The following FNDC3A variants were observed in gnomAD, a reference collection of about 807,000 sequenced individuals.
The protein encoded by FNDC3A is fibronectin type-III domain-containing protein 3A.
A neutral mutation model predicts 148.9 loss-of-function variants in FNDC3A; 32 were observed. That is an observed-to-expected ratio of 0.21 (90% CI 0.16 to 0.29). The LOEUF is 0.29. Ranked by LOEUF, FNDC3A falls within the 10% of genes least tolerant of loss-of-function variation. The pLI, the probability that FNDC3A is intolerant of heterozygous loss-of-function variation, is 1.00. For synonymous variants in FNDC3A, 472 were observed against 473.6 expected (o/e 1.00, Z 0.04); for missense variants, 1,191 against 1,452.8 (o/e 0.82, Z 2.93).
chr13:49,006,365 A>C, intron 2 of FNDC3A, 76 bp downstream of exon 2: 1 of 671,370 alleles, frequency 1.5e-6, no homozygotes. Context: ...AGATCACAAT[A>C]GTGAGTTCCT....
intron 2 of FNDC3A, among the ~76,000 whole-genome samples, chr13:49,048,302 T>G (rs535572006): frequency 2.6e-5 from 4 of 152,024 alleles, no homozygotes; most frequent in African/African-American, 7.2e-5. Flanking sequence ...ATTTTAGGAT[T>G]TTTTTTTAAG....
chr13:48,993,797 T>TA, intron 1 of FNDC3A, among the ~76,000 whole-genome samples: 1 of 152,294 alleles, frequency 6.6e-6, no homozygotes, highest in Admixed American at 6.5e-5. Flanking sequence ...TTCTGTGGGT[T>TA]AAAAAAATCC....
chr13:48,980,706 C>G (rs1486560738), intron 1 of FNDC3A, among the ~76,000 whole-genome samples: 1 of 152,094 alleles, frequency 6.6e-6, no homozygotes, highest in African/African-American at 2.4e-5. Context: ...CTTCAGTATA[C>G]TGTGGTTCAT....
intron 3 of FNDC3A, among the ~76,000 whole-genome samples, chr13:49,086,740 A>C (rs1350431602): frequency 6.6e-6 from 1 of 152,200 alleles, no homozygotes; most frequent in African/African-American, 2.4e-5. Context: ...TTTTTGAAGC[A>C]TAGGTAACTA....
Position 49,017,050 on chromosome 13 carries a change from G to T in FNDC3A, c.99+10761G>T, listed in dbSNP as rs1362951101. ...TGTGGTCAATTTTGGAATAGGTGTG[G>T]TGTGGTGCTGAAAAAAATGTATATT... On this transcript the variant is annotated intron_variant, in intron 2 of 25. Coordinates refer to ENST00000492622, the MANE Select transcript of FNDC3A (RefSeq NM_001079673.2). Among the ~76,000 whole-genome samples, 5 of 151,804 alleles carry T rather than the reference G, an allele frequency of 3.3e-5. No homozygotes were observed. In the South Asian group the frequency reaches 1.0e-3, roughly 32 times the overall value.
At chr13:48,975,852 C>A (rs1165110840), upstream of FNDC3A, 1 of 151,490 alleles carries the variant, frequency 6.6e-6, no homozygotes, top group Non-Finnish European at 1.5e-5. Context: ...GGGTCCCGGC[C>A]GCGGGCTCCG....
At chr13:49,194,256 C>CA (rs1174908375) in intron 19 of FNDC3A, among the ~76,000 whole-genome samples, 29 of 151,986 alleles carry the variant, frequency 1.9e-4, no homozygotes, top group African/African-American at 7.0e-4. Context: ...GGCTTTTTCT[C>CA]AAAAAAATAA....
At chr13:49,109,293 T>A (rs1880396405) in intron 3 of FNDC3A, among the ~76,000 whole-genome samples, 1 of 152,254 alleles carries the variant, frequency 6.6e-6, no homozygotes, top group Admixed American at 6.5e-5. Flanking sequence ...TTATTTAATT[T>A]CATTCTCACA....
At chr13:49,004,379 A>T (rs1171295321) in intron 1 of FNDC3A, among the ~76,000 whole-genome samples, 1 of 152,082 alleles carries the variant, frequency 6.6e-6, no homozygotes, top group Non-Finnish European at 1.5e-5. Flanking sequence ...AAACCAATTT[A>T]TAAATGAAAC....
At chr13:49,167,362 ATAAT>A in intron 9 of FNDC3A, 59 bp downstream of exon 9, 1 of 917,494 alleles carries the variant, frequency 1.1e-6, no homozygotes, top group South Asian at 1.9e-5. Context: ...TTTTTTTTAA[ATAAT>A]TATTTTCTTA....
intron 2 of FNDC3A, among the ~76,000 whole-genome samples, chr13:49,024,637 C>T (rs1873566653): frequency 6.6e-6 from 1 of 151,580 alleles, no homozygotes; most frequent in African/African-American, 2.4e-5. Flanking sequence ...ACCATAAAAC[C>T]TCTCACTAGA....
chr13:49,147,551 G>A (rs992131480), intron 8 of FNDC3A, among the ~76,000 whole-genome samples: 3 of 151,824 alleles, frequency 2.0e-5, no homozygotes, highest in Admixed American at 2.0e-4. Context: ...AAAAAAGTAG[G>A]GAATAGGCTG....
At position 49,175,416 on chromosome 13, in the gene FNDC3A, A is replaced by C; in HGVS notation, c.1405A>C (p.Met469Leu). ...LYYTSGCAPS[M>L]PASPVLTKAG... ...TTACACCTCAGGCTGTGCTCCTTCT[A>C]TGCCAGCAAGTCCTGTATTAACCAA... Residue 469 changes from methionine to leucine, a missense_variant, in exon 13 of 26, where the codon ATG (methionine) becomes CTG (leucine). Physicochemically the swap from Met to Leu is conservative, Grantham distance 15. Around this residue, in one of 3 missense-constraint regions of FNDC3A, gnomAD observed 751 missense variants for 944.0 expected, o/e 0.80. Transcript: ENST00000492622. The C allele has an allele frequency of 6.2e-7, 1 of 1,612,502 alleles. No homozygotes were observed. Among genetic ancestry groups the C allele is most frequent in the South Asian group, 1.1e-5 (1 of 90,842 alleles).
In FNDC3A at chr13:49,005,310, GTTTAT is replaced by G. The variant is rs1256780695; in HGVS notation, c.-39-833_-39-829del. Among the ~76,000 whole-genome samples the G allele has an allele frequency of 2.6e-5, 4 of 151,618 alleles. No individual in the cohort carries two copies. The East Asian group carries it at 7.7e-4, about 29-fold the overall frequency. Reference sequence around the variant, plus strand: ...CAGAATGCTGTAAACATTCCAAAATGTTTATTTTATTTTTCAATATAGATTCAGTG... The same window carrying G: ...CAGAATGCTGTAAACATTCCAAAATGTTTATTTTTCAATATAGATTCAGTG... On this transcript the variant is annotated intron_variant, in intron 1 of 25. Transcript: ENST00000492622.
chr13:49,100,061 C>T (rs918722464), intron 3 of FNDC3A, among the ~76,000 whole-genome samples: 3 of 151,966 alleles, frequency 2.0e-5, no homozygotes, highest in African/African-American at 4.8e-5. Flanking sequence ...GAATTAAAGA[C>T]AGGTATAGCT....
At chr13:49,150,063 T>C (rs1157643774) in intron 8 of FNDC3A, among the ~76,000 whole-genome samples, 2 of 152,192 alleles carry the variant, frequency 1.3e-5, no homozygotes, top group African/African-American at 4.8e-5. Context: ...GTCCCCTTTC[T>C]TCTTCTCTTG....
At chr13:49,177,137 G>A (rs1593710546) in intron 13 of FNDC3A, among the ~76,000 whole-genome samples, 1 of 152,058 alleles carries the variant, frequency 6.6e-6, no homozygotes, top group South Asian at 2.1e-4. Context: ...AGGGGGTTTT[G>A]TTTTATTTGT....
At chr13:49,116,423 A>G (rs78084087) in intron 4 of FNDC3A, among the ~76,000 whole-genome samples, 2 of 152,214 alleles carry the variant, frequency 1.3e-5, no homozygotes, top group African/African-American at 4.8e-5. Flanking sequence ...GAATATGTCC[A>G]TGACTGAAAG....
intron 10 of FNDC3A, among the ~76,000 whole-genome samples, chr13:49,171,487 A>T (rs894130247): frequency 1.3e-5 from 2 of 152,154 alleles, no homozygotes; most frequent in African/African-American, 2.4e-5. Flanking sequence ...TTTTAGAGTG[A>T]TTAAATACTG....
Sources: gnomAD v4.1 joint callset for allele counts (sites outside exome capture counted in the v4.1 genomes callset) on GRCh38, gnomAD v4.1.1 for gene constraint, gnomAD v4.1.1 regional missense constraint, MANE v1.5 for transcripts, NCBI Gene and HGNC (gene_info 2026-07-23, HGNC 2026-07-21) for gene names.